Variants in SLC24A3 observed in about 807,000 individuals in gnomAD.
The protein encoded by SLC24A3 is sodium/potassium/calcium exchanger 3.
A neutral mutation model predicts 75.8 loss-of-function variants in SLC24A3; 28 were observed. The observed-to-expected ratio is 0.37, with a 90% CI of 0.27 to 0.51. SLC24A3 has a LOEUF of 0.51. Ranked by LOEUF, SLC24A3 falls within the 20% of genes least tolerant of loss-of-function variation. The pLI is 0.94. For missense variants in SLC24A3, 663 were observed against 847.8 expected, an observed-to-expected ratio of 0.78 and a Z score of 2.71; for synonymous variants, 372 against 334.1, an observed-to-expected ratio of 1.11 and a Z score of -1.24.
At chr20:19,642,632 A>T (rs1180629972) in intron 6 of SLC24A3, among the ~76,000 whole-genome samples, 1 of 152,188 alleles carries the variant, frequency 6.6e-6, no homozygotes, top group Non-Finnish European at 1.5e-5. Flanking sequence ...CTGCAAATTG[A>T]TTACCTTTCT....
chr20:19,278,767 A>AT (rs144121876), intron 1 of SLC24A3, among the ~76,000 whole-genome samples: 1,657 of 152,212 alleles, frequency 0.011, 29 homozygotes, highest in African/African-American at 0.038. Context: ...TCCTTCCTCC[A>AT]TTTTTTGGGG....
At chr20:19,323,607 C>T (rs570222367) in intron 2 of SLC24A3, among the ~76,000 whole-genome samples, 1 of 152,324 alleles carries the variant, frequency 6.6e-6, no homozygotes, top group South Asian at 2.1e-4. Flanking sequence ...GGGAAGTCCT[C>T]ACTGTCAGTT....
intron 2 of SLC24A3, among the ~76,000 whole-genome samples, chr20:19,496,587 G>A (rs376698798): frequency 2.6e-5 from 4 of 152,138 alleles, no homozygotes; most frequent in African/African-American, 7.2e-5. Context: ...GTTAGCCTGG[G>A]TTGCCAGAAC....
intron 2 of SLC24A3, among the ~76,000 whole-genome samples, chr20:19,329,604 T>C (rs547604143): frequency 6.6e-6 from 1 of 152,342 alleles, no homozygotes; most frequent in African/African-American, 2.4e-5. Flanking sequence ...TGAAGGCTAT[T>C]TTGTATGCAG....
chr20:19,461,089 G>A (rs137916326), intron 2 of SLC24A3, among the ~76,000 whole-genome samples: 121 of 152,264 alleles, frequency 7.9e-4, no homozygotes, highest in Middle Eastern at 3.4e-3. Context: ...TGAGGCTGAC[G>A]GACTTCCATA....
At chr20:19,424,614 G>T (rs1289886390) in intron 2 of SLC24A3, among the ~76,000 whole-genome samples, 2 of 151,798 alleles carry the variant, frequency 1.3e-5, no homozygotes, top group Non-Finnish European at 2.9e-5. Flanking sequence ...CTTGAGCCTG[G>T]GAGGCAGAGG....
chr20:19,569,899 T>C (rs1225645587), intron 3 of SLC24A3, among the ~76,000 whole-genome samples: 2 of 152,344 alleles, frequency 1.3e-5, no homozygotes, highest in East Asian at 3.9e-4. Context: ...AAGTCCTTCA[T>C]TAAATTCTCT....
intron 2 of SLC24A3, among the ~76,000 whole-genome samples, chr20:19,385,886 T>C (rs1986264232): frequency 6.6e-6 from 1 of 152,128 alleles, no homozygotes. Flanking sequence ...GTCCTCCTAC[T>C]TCAGCCTTCC....
intron 6 of SLC24A3, among the ~76,000 whole-genome samples, chr20:19,611,368 T>C (rs2031669489): frequency 7.2e-6 from 1 of 138,990 alleles, no homozygotes. Flanking sequence ...CTGTAACCCG[T>C]TGAGAGATTT....
chr20:19,542,490 GTGT>G (rs1344596130), intron 3 of SLC24A3, among the ~76,000 whole-genome samples: 1 of 152,150 alleles, frequency 6.6e-6, no homozygotes, highest in African/African-American at 2.4e-5. Flanking sequence ...TCTTCCTGCT[GTGT>G]TGTTGTTGTT....
intron 6 of SLC24A3, among the ~76,000 whole-genome samples, chr20:19,602,942 C>T (rs947562273): frequency 6.6e-6 from 1 of 152,164 alleles, no homozygotes; most frequent in African/African-American, 2.4e-5. Flanking sequence ...ACACCCGCAC[C>T]GTGGTTCAGC....
At chr20:19,636,207 G>A (rs959787150) in intron 6 of SLC24A3, among the ~76,000 whole-genome samples, 1 of 152,180 alleles carries the variant, frequency 6.6e-6, no homozygotes, top group Non-Finnish European at 1.5e-5. Flanking sequence ...CAAGAGTGAT[G>A]TAACACCATT....
Position 19,663,396 on chromosome 20 carries a change from G to GCCTCCTCCTCCACCT in SLC24A3, c.688-2456_688-2442dup, listed in dbSNP as rs1568689486. 3.2e-4 allele frequency among the ~76,000 whole-genome samples: 2 copies of GCCTCCTCCTCCACCT among 6,260 alleles called. 1 individual carries two copies. The highest frequency in any genetic ancestry group is 8.3e-4 in the Non-Finnish European group (2 of 2,416). The allele number at this position is 6,260 out of a possible 152,430, so 4.1% of individuals were successfully genotyped here. A position where few individuals can be genotyped will look rare whatever the true frequency, so the allele number is the denominator to read the frequency against. The stretch of plus-strand genomic sequence containing the variant: ...GTAGAGAAGCCCTGACTTTGTGGAG[G>GCCTCCTCCTCCACCT]CCTCCTCCTCCACCTCCTCCTCCTC... On this transcript the variant is annotated intron_variant, in intron 7 of 16. Transcript: ENST00000328041.
intron 2 of SLC24A3, among the ~76,000 whole-genome samples, chr20:19,490,550 C>G (rs544441341): frequency 3.9e-5 from 6 of 152,244 alleles, no homozygotes; most frequent in Admixed American, 3.9e-4. Context: ...AAAATCCTGA[C>G]CTGGATGTCT....
chr20:19,222,650 A>T (rs965289050), intron 1 of SLC24A3, among the ~76,000 whole-genome samples: 1 of 152,170 alleles, frequency 6.6e-6, no homozygotes, highest in African/African-American at 2.4e-5. Context: ...CAGCCCTCAC[A>T]ACTGTGAGTA....
intron 2 of SLC24A3, among the ~76,000 whole-genome samples, chr20:19,484,646 A>G (rs1988103662): frequency 6.6e-6 from 1 of 152,170 alleles, no homozygotes; most frequent in East Asian, 1.9e-4. Flanking sequence ...AGTCAAATGC[A>G]TAGAGACAGA....
intron 1 of SLC24A3, among the ~76,000 whole-genome samples, chr20:19,230,579 C>T (rs1039802188): frequency 4.0e-5 from 6 of 149,566 alleles, no homozygotes; most frequent in East Asian, 2.0e-4. Flanking sequence ...GTTGCATTTC[C>T]GGGAACTGGG....
At chr20:19,629,197 C>A (rs1219137742) in intron 6 of SLC24A3, among the ~76,000 whole-genome samples, 1 of 151,790 alleles carries the variant, frequency 6.6e-6, no homozygotes, top group Admixed American at 6.6e-5. Flanking sequence ...ATGAGAGCAT[C>A]AGCAAAAAGA....
chr20:19,577,937 G>A lies in SLC24A3; in HGVS notation c.349-2063G>A, dbSNP rs186317758. Among the ~76,000 whole-genome samples, 303 of 152,290 alleles carry A rather than the reference G, an allele frequency of 2.0e-3. 3 individuals are homozygous for A. The highest frequency in any genetic ancestry group is 6.8e-3 in the African/African-American group (281 of 41,578). On this transcript the variant is annotated intron_variant, in intron 3 of 16. Coordinates refer to ENST00000328041, the MANE Select transcript of SLC24A3 (RefSeq NM_020689.4). ...CTAGTGCATATGTCTTTATGCATTTGTCTGATATTTCCACAGGATCTAGTG... is the reference window on the plus strand; with the variant it reads ...CTAGTGCATATGTCTTTATGCATTTATCTGATATTTCCACAGGATCTAGTG...
Sources: gnomAD v4.1 joint callset for allele counts (sites outside exome capture counted in the v4.1 genomes callset) on GRCh38, gnomAD v4.1.1 for gene constraint, MANE v1.5 for transcripts, NCBI Gene and HGNC (gene_info 2026-07-23, HGNC 2026-07-21) for gene names.